Variants in EMC8 observed in about 807,000 individuals in gnomAD.
EMC8 encodes ER membrane protein complex subunit 8.
A neutral mutation model predicts 24.3 loss-of-function variants in EMC8; 11 were observed. The ratio of observed to expected loss-of-function variants is 0.45; its 90% CI spans 0.28 to 0.75. The LOEUF (loss-of-function observed/expected upper bound fraction) is 0.75. Ranked by LOEUF, EMC8 falls within the 30% of genes least tolerant of loss-of-function variation. The pLI, the probability that EMC8 is intolerant of heterozygous loss-of-function variation, is 0.12. For synonymous variants in EMC8, 145 were observed against 117.7 expected, an observed-to-expected ratio of 1.23 and a Z score of -1.50; for missense variants, 277 against 282.7, an observed-to-expected ratio of 0.98 and a Z score of 0.14.
At position 85,780,459 on chromosome 16, in the gene EMC8, C is replaced by G; in HGVS notation, c.393G>C (p.Lys131Asn). The G allele has an allele frequency of 6.2e-7, 1 of 1,613,884 alleles. No homozygotes were observed. Among genetic ancestry groups the G allele is most frequent in the Non-Finnish European group, 8.5e-7 (1 of 1,179,808 alleles). The change falls in exon 4 of 5, where the codon AAG becomes AAC. Residue 131 changes from lysine (K) to asparagine (N), a missense_variant. Lys to Asn is a moderately conservative substitution (Grantham distance 94). Transcript: ENST00000253457. ...DTALIMVDNT[K>N]FTMDCVAPTI... ...TAGGCGCTACGCAGTCCATCGTAAA[C>G]TTGGTGTTGTCTACCTGAGCACAAG...
rs1465216845 is a variant in EMC8, at chr16:85,778,705, G to GT, written c.*1002dup. On this transcript the variant is annotated 3_prime_UTR_variant, in exon 5 of 5. Transcript: ENST00000253457. ...GTGTTAAGAGAAAATAGTGACCGCT[G>GT]TATCACAAACCCTTTCAGGTCACAC... The GT allele has an allele frequency of 6.6e-6, 1 of 152,218 alleles. No homozygotes were observed. Among genetic ancestry groups the GT allele is most frequent in the African/African-American group, 2.4e-5 (1 of 41,450 alleles). The allele number at this position is 152,218 out of a possible 1,614,324, so 9.4% of individuals were successfully genotyped here.
In EMC8 at chr16:85,799,386, G is replaced by A. The variant is rs1437050259; in HGVS notation, c.-91C>T. The stretch of plus-strand genomic sequence containing the variant: ...GCGCGGCGCCTCAGCCGAGAAGCGG[G>A]ACGAGGCGGCGGCGATTGATGGCGC... On this transcript the variant is annotated 5_prime_UTR_variant, in exon 1 of 5. Transcript: ENST00000253457. The surrounding 1 kb of genome is among the most constrained non-coding windows in gnomAD (Gnocchi z 4.2). The A allele has an allele frequency of 2.5e-6, 2 of 803,846 alleles. No homozygotes were observed. Among genetic ancestry groups the A allele is most frequent in the Non-Finnish European group, 3.6e-6 (2 of 562,056 alleles). 49.8% of individuals were successfully genotyped at this position (803,846 alleles called of 1,614,324 possible).
chr16:85,783,683 G>A (rs143918012), intron 2 of EMC8, among the ~76,000 whole-genome samples: 1 of 152,136 alleles, frequency 6.6e-6, no homozygotes, highest in Non-Finnish European at 1.5e-5. Flanking sequence ...TCAATGTCAG[G>A]AAATCTGCCT....
intron 1 of EMC8, among the ~76,000 whole-genome samples, chr16:85,792,136 A>G (rs1001508979): frequency 3.4e-5 from 5 of 146,008 alleles, no homozygotes; most frequent in East Asian, 3.9e-4. Context: ...CACATATGGT[A>G]TCACCTTGTA....
intron 2 of EMC8, chr16:85,781,492 G>A (rs751050): frequency 0.073 from 36,911 of 504,530 alleles, 2,481 homozygotes; most frequent in East Asian, 0.31. Context: ...GTGTAGTGAC[G>A]CAATCATAGC....
chr16:85,780,335 C>A (rs759905009), intron 4 of EMC8, 44 bp downstream of exon 4: 16 of 1,460,870 alleles, frequency 1.1e-5, no homozygotes, highest in Non-Finnish European at 1.5e-5. Context: ...CGTGGCCGGG[C>A]GCTGAAGGAG....
intron 1 of EMC8, among the ~76,000 whole-genome samples, chr16:85,793,843 G>A (rs1597208437): frequency 6.6e-6 from 1 of 152,262 alleles, no homozygotes; most frequent in East Asian, 1.9e-4. Context: ...CTGCTATTAG[G>A]AATAATTCCT....
In EMC8 at chr16:85,789,022, T is replaced by A; in HGVS notation, c.260A>T (p.Tyr87Phe). ...LIDSWCKDHS[Y>F]VIAGYYQANE... Reference sequence around the variant, plus strand: ...AGCTTGATAATAACCAGCAATCACGTAGCTATGATCTTTGCACCATGAATC... The same window carrying A: ...AGCTTGATAATAACCAGCAATCACGAAGCTATGATCTTTGCACCATGAATC... The change falls in exon 2 of 5, where the codon TAC becomes TTC. Residue 87 changes from tyrosine to phenylalanine, a missense_variant. Transcript: ENST00000253457. 6.2e-7 allele frequency: 1 copy of A among 1,613,824 alleles called. No individual in the cohort carries two copies. Among genetic ancestry groups the A allele is most frequent in the South Asian group, 1.1e-5 (1 of 91,082 alleles).
At chr16:85,796,431 A>C (rs73259055) in intron 1 of EMC8, among the ~76,000 whole-genome samples, 2,686 of 151,938 alleles carry the variant, frequency 0.018, 82 homozygotes, top group African/African-American at 0.061. Context: ...CCCTGCCTCT[A>C]GTCTTGGGTG....
At position 85,779,618 on chromosome 16, in the gene EMC8, A is replaced by C; in HGVS notation, c.*90T>G. On this transcript the variant is annotated 3_prime_UTR_variant, in exon 5 of 5. Transcript: ENST00000253457. Reference sequence around the variant, plus strand: ...TCTTAAAACGGTCAGCTTTCCACACAGGCTACAAGATATTTTATTTACATT... The same window carrying C: ...TCTTAAAACGGTCAGCTTTCCACACCGGCTACAAGATATTTTATTTACATT... 7.3e-7 allele frequency: 1 copy of C among 1,361,998 alleles called. No homozygotes were observed. The allele number at this position is 1,361,998 out of a possible 1,614,324, so 84.4% of individuals were successfully genotyped here. A position where few individuals can be genotyped will look rare whatever the true frequency, so the allele number is the denominator to read the frequency against.
At chr16:85,784,705 G>A (rs1031500162) in intron 2 of EMC8, 1 of 152,166 alleles carries the variant, frequency 6.6e-6, no homozygotes, top group Non-Finnish European at 1.5e-5. Flanking sequence ...AAGTGGTGAA[G>A]AGTGGGTACA....
Position 85,779,621 on chromosome 16 carries a change from C to G in EMC8, c.*87G>C, listed in dbSNP as rs1904393870. On this transcript the variant is annotated 3_prime_UTR_variant, in exon 5 of 5. Coordinates refer to ENST00000253457, the MANE Select transcript of EMC8 (RefSeq NM_006067.5). ...TAAAACGGTCAGCTTTCCACACAGG[C>G]TACAAGATATTTTATTTACATTTAA... 2.2e-6 allele frequency: 3 copies of G among 1,388,694 alleles called. No individual in the cohort carries two copies. The highest frequency in any genetic ancestry group is 2.8e-5 in the African/African-American group (2 of 70,748). 86.0% of individuals were successfully genotyped at this position (1,388,694 alleles called of 1,614,324 possible).
At chr16:85,797,280 C>T (rs990490121) in intron 1 of EMC8, among the ~76,000 whole-genome samples, 10 of 152,044 alleles carry the variant, frequency 6.6e-5, no homozygotes, top group African/African-American at 1.2e-4. Flanking sequence ...TGGTGGTGGA[C>T]GCCTGAAATC....
intron 4 of EMC8, 184 bp from the exon 5 acceptor site, chr16:85,780,051 T>C: frequency 1.6e-6 from 1 of 612,160 alleles, no homozygotes; most frequent in South Asian, 2.0e-5. Context: ...GGTTAATACA[T>C]GGAAGGGACG....
At chr16:85,781,920 C>G (rs1168941804) in intron 2 of EMC8, 1 of 152,700 alleles carries the variant, frequency 6.5e-6, no homozygotes, top group Non-Finnish European at 1.5e-5. Flanking sequence ...TTTAAAGTGG[C>G]TGATGACAGC....
At chr16:85,786,991 G>A (rs1324388529) in intron 2 of EMC8, among the ~76,000 whole-genome samples, 4 of 151,994 alleles carry the variant, frequency 2.6e-5, no homozygotes, top group Admixed American at 2.6e-4. Flanking sequence ...ATTCCCACTT[G>A]CCCAGTCTCC....
At chr16:85,779,903 G>A (rs1177421183) in intron 4 of EMC8, 36 bp from the exon 5 acceptor site, 1 of 1,605,936 alleles carries the variant, frequency 6.2e-7, no homozygotes, top group Non-Finnish European at 8.5e-7. Flanking sequence ...GCATCTAACA[G>A]TGAAAACGGG....
intron 2 of EMC8, chr16:85,781,495 A>G (rs546155918): frequency 5.0e-5 from 25 of 495,098 alleles, no homozygotes; most frequent in African/African-American, 3.5e-4. Context: ...TAGTGACGCA[A>G]TCATAGCCCA....
intron 1 of EMC8, among the ~76,000 whole-genome samples, chr16:85,797,837 AAAAC>A (rs1291161207): frequency 8.5e-5 from 13 of 152,208 alleles, no homozygotes; most frequent in Non-Finnish European, 1.5e-4. Context: ...TCTTAAATGA[AAAAC>A]AAACAGCACC....
Sources: gnomAD v4.1 joint callset for allele counts (sites outside exome capture counted in the v4.1 genomes callset) on GRCh38, gnomAD v4.1.1 for gene constraint, Gnocchi (gnomAD v3.1) non-coding constraint, MANE v1.5 for transcripts, NCBI Gene and HGNC (gene_info 2026-07-23, HGNC 2026-07-21) for gene names.